Variants in KLHL1 observed in about 807,000 individuals in gnomAD.
The protein encoded by KLHL1 is kelch like family member 1.
KLHL1 carries 47 observed loss-of-function variants against 77.7 expected under a neutral mutation model. The ratio of observed to expected loss-of-function variants is 0.60; its 90% CI spans 0.48 to 0.77. The LOEUF (loss-of-function observed/expected upper bound fraction) is 0.77, where lower values mean the gene tolerates loss of function less well. KLHL1 is among the 30% of genes least tolerant of loss of function. The pLI is 0.00. For missense variants in KLHL1, 925 were observed against 910.8 expected (o/e 1.02, Z -0.20); for synonymous variants, 360 against 325.2 (o/e 1.11, Z -1.15).
chr13:69,734,126 TTAGCAC>T (rs1873669402), intron 8 of KLHL1, among the ~76,000 whole-genome samples: 2 of 152,250 alleles, frequency 1.3e-5, no homozygotes, highest in Admixed American at 1.3e-4. Context: ...CATGAATGGT[TTAGCAC>T]TATCCCTCTT....
chr13:69,767,028 A>C (rs1365785868), intron 7 of KLHL1, among the ~76,000 whole-genome samples: 1 of 152,232 alleles, frequency 6.6e-6, no homozygotes. Flanking sequence ...TCAAAGTAGC[A>C]ATTGGTATTT....
At chr13:69,904,831 G>A (rs1305501664) in intron 4 of KLHL1, among the ~76,000 whole-genome samples, 1 of 152,072 alleles carries the variant, frequency 6.6e-6, no homozygotes, top group East Asian at 1.9e-4. Context: ...TTAAATCACT[G>A]CTCATAATAT....
intron 1 of KLHL1, among the ~76,000 whole-genome samples, chr13:70,026,091 T>A (rs1566510243): frequency 6.6e-6 from 1 of 152,104 alleles, no homozygotes; most frequent in Non-Finnish European, 1.5e-5. Context: ...GGCTGCTCCA[T>A]TTTTTAGTGT....
At chr13:69,784,733 A>T (rs1436269180) in intron 7 of KLHL1, among the ~76,000 whole-genome samples, 1 of 151,572 alleles carries the variant, frequency 6.6e-6, no homozygotes, top group Non-Finnish European at 1.5e-5. Flanking sequence ...CACAATAATA[A>T]TGGGAGACTT....
chr13:69,718,538 T>TACCAATTGATAA (rs936263856), intron 9 of KLHL1, among the ~76,000 whole-genome samples: 2 of 152,124 alleles, frequency 1.3e-5, no homozygotes, highest in African/African-American at 4.8e-5. Context: ...GAGTTACTTA[T>TACCAATTGATAA]ACCAATTGAT....
chr13:69,709,988 A>T (rs576774872), intron 9 of KLHL1, among the ~76,000 whole-genome samples: 1 of 151,860 alleles, frequency 6.6e-6, no homozygotes, highest in South Asian at 2.1e-4. Context: ...TCATTTAATT[A>T]TTATTCAGCT....
intron 4 of KLHL1, among the ~76,000 whole-genome samples, chr13:69,934,447 T>C (rs1294620879): frequency 6.6e-6 from 1 of 152,092 alleles, no homozygotes; most frequent in Non-Finnish European, 1.5e-5. Flanking sequence ...ATAATGATAA[T>C]TTATCATTAT....
intron 5 of KLHL1, among the ~76,000 whole-genome samples, chr13:69,850,901 T>C (rs1166058106): frequency 2.6e-5 from 4 of 151,626 alleles, no homozygotes; most frequent in Non-Finnish European, 5.9e-5. Flanking sequence ...TTAATGTGGC[T>C]TTTTTCTTCT....
At chr13:69,754,474 A>G (rs1874621228) in intron 7 of KLHL1, among the ~76,000 whole-genome samples, 1 of 152,170 alleles carries the variant, frequency 6.6e-6, no homozygotes, top group Non-Finnish European at 1.5e-5. Context: ...TTTGGCAAAT[A>G]AATGCACAAA....
intron 8 of KLHL1, among the ~76,000 whole-genome samples, chr13:69,732,513 G>A (rs1377431540): frequency 6.6e-6 from 1 of 152,122 alleles, no homozygotes; most frequent in Non-Finnish European, 1.5e-5. Flanking sequence ...TGTATTTTCT[G>A]CTTTTGAAAT....
intron 6 of KLHL1, among the ~76,000 whole-genome samples, chr13:69,815,709 A>AT (rs1398136181): frequency 6.6e-6 from 1 of 152,116 alleles, no homozygotes; most frequent in African/African-American, 2.4e-5. Context: ...GGAATCTAAA[A>AT]TTTTTTAAAA....
intron 4 of KLHL1, among the ~76,000 whole-genome samples, chr13:69,887,781 T>C (rs1019537843): frequency 3.3e-5 from 5 of 152,188 alleles, no homozygotes; most frequent in Admixed American, 2.6e-4. Flanking sequence ...TCTGAGACTT[T>C]CTCTGCTGCT....
At chr13:69,739,851 G>A (rs1198244155) in intron 8 of KLHL1, among the ~76,000 whole-genome samples, 2 of 152,152 alleles carry the variant, frequency 1.3e-5, no homozygotes, top group Non-Finnish European at 2.9e-5. Context: ...CTTCCCAGGG[G>A]ATAGTAGACA....
intron 1 of KLHL1, among the ~76,000 whole-genome samples, chr13:70,056,376 A>G (rs1206819843): frequency 1.3e-5 from 2 of 152,162 alleles, no homozygotes; most frequent in Non-Finnish European, 2.9e-5. Context: ...GACAGACCCC[A>G]ATATAATAAT....
chr13:69,934,712 C>T (rs1283771780), intron 4 of KLHL1, among the ~76,000 whole-genome samples: 1 of 151,450 alleles, frequency 6.6e-6, no homozygotes, highest in African/African-American at 2.4e-5. Flanking sequence ...CTTCTTGTCC[C>T]TCTCCACCAT....
At chr13:69,910,509 T>G (rs1882201234) in intron 4 of KLHL1, among the ~76,000 whole-genome samples, 1 of 152,038 alleles carries the variant, frequency 6.6e-6, no homozygotes, top group Non-Finnish European at 1.5e-5. Context: ...AAGAAACCAC[T>G]ACTATGTTTC....
At chr13:69,833,068 A>G (rs1159715996) in intron 6 of KLHL1, among the ~76,000 whole-genome samples, 5 of 152,108 alleles carry the variant, frequency 3.3e-5, no homozygotes, top group Non-Finnish European at 7.4e-5. Flanking sequence ...CCAGAGCTCC[A>G]AAGCAAATGC....
In KLHL1 at chr13:70,096,092, A is replaced by C. The variant is rs146662351; in HGVS notation, c.497+11111T>G. ...TACCATATTTTTTATCCATTTGTCC[A>C]GTGATCAACACTTAGGGTGATTCCA... On this transcript the variant is annotated intron_variant, in intron 1 of 10. Transcript: ENST00000377844. 2.8e-3 allele frequency among the ~76,000 whole-genome samples: 428 copies of C among 152,136 alleles called. 2 individuals are homozygous for C. The highest frequency in any genetic ancestry group is 9.2e-3 in the African/African-American group (381 of 41,532).
intron 4 of KLHL1, among the ~76,000 whole-genome samples, chr13:69,923,309 A>G (rs1299103625): frequency 6.6e-6 from 1 of 152,208 alleles, no homozygotes; most frequent in African/African-American, 2.4e-5. Context: ...CCACTTTGCC[A>G]GAAGTAATTT....
Sources: gnomAD v4.1 joint callset for allele counts (sites outside exome capture counted in the v4.1 genomes callset) on GRCh38, gnomAD v4.1.1 for gene constraint, MANE v1.5 for transcripts, NCBI Gene and HGNC (gene_info 2026-07-23, HGNC 2026-07-21) for gene names.